CLSTN2: variants seen among roughly 807,000 people sequenced by gnomAD.
CLSTN2 encodes the protein calsyntenin 2, also known as calsyntenin-2.
CLSTN2 carries 48 observed loss-of-function variants against 101.2 expected under a neutral mutation model. The observed-to-expected ratio is 0.47, with a 90% confidence interval of 0.38 to 0.60. The LOEUF (loss-of-function observed/expected upper bound fraction) is 0.60, where lower values mean the gene tolerates loss of function less well. CLSTN2 is among the 20% of genes least tolerant of loss of function. CLSTN2 has a pLI of 0.00. For missense variants in CLSTN2, 1,160 were observed against 1,238.2 expected (o/e 0.94, Z 0.95); for synonymous variants, 481 against 463.6 (o/e 1.04, Z -0.48).
chr3:140,292,001 T>C (rs533352562), intron 2 of CLSTN2, among the ~76,000 whole-genome samples: 8 of 152,062 alleles, frequency 5.3e-5, no homozygotes, highest in Non-Finnish European at 1.2e-4. Flanking sequence ...TATTCTCCAC[T>C]CAAAGCTGGA....
chr3:140,341,414 A>C (rs1242833718), intron 2 of CLSTN2, among the ~76,000 whole-genome samples: 1 of 152,206 alleles, frequency 6.6e-6, no homozygotes, highest in Non-Finnish European at 1.5e-5. Flanking sequence ...CCGGCAGAGC[A>C]ACTTCCAATA....
At chr3:140,195,801 G>T (rs1180311938) in intron 2 of CLSTN2, among the ~76,000 whole-genome samples, 1 of 152,176 alleles carries the variant, frequency 6.6e-6, no homozygotes, top group Non-Finnish European at 1.5e-5. Context: ...CAGGATAAAG[G>T]ACTGTGAGTT....
At chr3:140,009,342 G>T (rs1396587426) in intron 1 of CLSTN2, among the ~76,000 whole-genome samples, 2 of 151,986 alleles carry the variant, frequency 1.3e-5, no homozygotes, top group Non-Finnish European at 2.9e-5. Context: ...AGTAATTCAT[G>T]GGCATTTTAC....
chr3:140,227,422 T>A lies in CLSTN2; in HGVS notation c.232+51349T>A, dbSNP rs569930006. Among the ~76,000 whole-genome samples, 17 of 152,340 alleles carry A rather than the reference T, an allele frequency of 1.1e-4. No homozygotes were observed. The East Asian group carries it at 3.3e-3, about 29-fold the overall frequency. ...TTTCTATGGTCTTGAAAAGCTACAT[T>A]ACTGTGGCTTCACAGGGTACAGCTT... On this transcript the variant is annotated intron_variant, in intron 2 of 16. Transcript: ENST00000458420.
At chr3:140,370,325 C>T (rs1268661669) in intron 2 of CLSTN2, among the ~76,000 whole-genome samples, 1 of 152,198 alleles carries the variant, frequency 6.6e-6, no homozygotes, top group African/African-American at 2.4e-5. Context: ...GGTCAATAGT[C>T]ATGGGATTGA....
chr3:140,066,283 C>A (rs2008297722), intron 1 of CLSTN2, among the ~76,000 whole-genome samples: 3 of 152,186 alleles, frequency 2.0e-5, no homozygotes. Context: ...TGCAGAGCAG[C>A]CTCCCACTTC....
chr3:139,957,275 C>A (rs1935423140), intron 1 of CLSTN2, among the ~76,000 whole-genome samples: 1 of 152,114 alleles, frequency 6.6e-6, no homozygotes, highest in South Asian at 2.1e-4. Context: ...CCCCTCCAGG[C>A]AGCACCACTT....
At chr3:140,397,174 A>G (rs2088192038) in intron 2 of CLSTN2, among the ~76,000 whole-genome samples, 1 of 152,164 alleles carries the variant, frequency 6.6e-6, no homozygotes, top group Admixed American at 6.5e-5. Context: ...ACATTTTTGC[A>G]GTCCCTAATA....
intron 1 of CLSTN2, among the ~76,000 whole-genome samples, chr3:140,031,390 C>A (rs2007544965): frequency 6.6e-6 from 1 of 152,170 alleles, no homozygotes; most frequent in Non-Finnish European, 1.5e-5. Flanking sequence ...ACCCTGGTAG[C>A]CGCTTGGAAG....
At chr3:140,300,803 G>GATAT (rs60965465) in intron 2 of CLSTN2, among the ~76,000 whole-genome samples, 6 of 151,370 alleles carry the variant, frequency 4.0e-5, no homozygotes, top group Admixed American at 6.6e-5. Flanking sequence ...ACCAGTAGGC[G>GATAT]ATATATATAT....
At chr3:140,384,082 C>G (rs181288747) in intron 2 of CLSTN2, among the ~76,000 whole-genome samples, 2 of 152,140 alleles carry the variant, frequency 1.3e-5, no homozygotes, top group East Asian at 1.9e-4. Context: ...CAACCTTTCA[C>G]GTTTACATTG....
At chr3:139,958,070 G>A (rs1935443210) in intron 1 of CLSTN2, among the ~76,000 whole-genome samples, 1 of 152,176 alleles carries the variant, frequency 6.6e-6, no homozygotes, top group East Asian at 1.9e-4. Flanking sequence ...ACAACACAGG[G>A]CTTAGCCAGG....
At chr3:140,547,937 T>TC (rs748289488) in intron 10 of CLSTN2, among the ~76,000 whole-genome samples, 6 of 152,262 alleles carry the variant, frequency 3.9e-5, no homozygotes, top group Non-Finnish European at 8.8e-5. Flanking sequence ...CTTGGCCATT[T>TC]CCCCAGAGAA....
intron 16 of CLSTN2, among the ~76,000 whole-genome samples, chr3:140,564,704 T>A (rs988548611): frequency 1.3e-5 from 2 of 152,200 alleles, no homozygotes; most frequent in African/African-American, 2.4e-5. Flanking sequence ...GGAGTTATCA[T>A]CTTCATTTAC....
chr3:140,204,860 C>A (rs965762364), intron 2 of CLSTN2, among the ~76,000 whole-genome samples: 1 of 152,142 alleles, frequency 6.6e-6, no homozygotes, highest in East Asian at 1.9e-4. Flanking sequence ...CTGTCTGTCC[C>A]GCTGTCCCCC....
intron 1 of CLSTN2, among the ~76,000 whole-genome samples, chr3:140,055,376 A>T (rs1237447019): frequency 1.3e-5 from 2 of 152,208 alleles, no homozygotes; most frequent in East Asian, 1.9e-4. Flanking sequence ...ATTTAAGCAG[A>T]TCTTTGGAGG....
intron 2 of CLSTN2, among the ~76,000 whole-genome samples, chr3:140,352,959 A>G (rs1559846565): frequency 6.6e-6 from 1 of 152,166 alleles, no homozygotes; most frequent in Non-Finnish European, 1.5e-5. Context: ...TTGGAAAAAA[A>G]TTATATCTGT....
At chr3:140,072,104 A>G (rs551795959) in intron 1 of CLSTN2, among the ~76,000 whole-genome samples, 16 of 152,168 alleles carry the variant, frequency 1.1e-4, no homozygotes, top group Non-Finnish European at 2.2e-4. Context: ...AGTTTGACCC[A>G]GCATTGCCGT....
chr3:140,247,139 G>T (rs569052034), intron 2 of CLSTN2, among the ~76,000 whole-genome samples: 1 of 152,156 alleles, frequency 6.6e-6, no homozygotes, highest in East Asian at 1.9e-4. Context: ...GATCATGAAA[G>T]GGCCTTGACA....
Sources: allele counts gnomAD v4.1 joint callset (sites outside exome capture counted in the v4.1 genomes callset), GRCh38; gene constraint gnomAD v4.1.1; transcripts MANE v1.5; gene names NCBI Gene and HGNC (gene_info 2026-07-23, HGNC 2026-07-21).